BNC2: variants seen among roughly 807,000 people sequenced by gnomAD.
BNC2 encodes the protein zinc finger protein basonuclin-2.
BNC2 carries 20 observed loss-of-function variants against 76.3 expected under a neutral mutation model. That is an observed-to-expected ratio of 0.26 (90% CI 0.18 to 0.38). The LOEUF (loss-of-function observed/expected upper bound fraction) is 0.38. Among genes scored for constraint, BNC2 ranks in the 10% least tolerant of loss-of-function variants. The probability of loss-of-function intolerance (pLI) is 1.00; values close to 1 mark genes in which losing one functional copy is unlikely to be tolerated. For missense variants in BNC2, 1,382 were observed against 1,399.8 expected, an observed-to-expected ratio of 0.99 and a Z score of 0.20; for synonymous variants, 582 against 514.8, an observed-to-expected ratio of 1.13 and a Z score of -1.77.
chr9:16,635,491 A>T (rs1821296568), intron 3 of BNC2, among the ~76,000 whole-genome samples: 3 of 152,034 alleles, frequency 2.0e-5, no homozygotes, highest in Admixed American at 2.0e-4. Flanking sequence ...GTATTTTTTC[A>T]TTTTAATAAA....
intron 3 of BNC2, among the ~76,000 whole-genome samples, chr9:16,722,585 T>C (rs955557700): frequency 1.1e-4 from 17 of 152,162 alleles, no homozygotes; most frequent in East Asian, 3.9e-4. Context: ...ACAAACATAA[T>C]AGACCTGTTT....
intron 3 of BNC2, among the ~76,000 whole-genome samples, chr9:16,655,016 C>A (rs1364173996): frequency 6.6e-6 from 1 of 151,866 alleles, no homozygotes; most frequent in Non-Finnish European, 1.5e-5. Flanking sequence ...AATGATAGAT[C>A]AATAACTGTG....
chr9:16,781,467 C>G (rs908330297), intron 1 of BNC2, among the ~76,000 whole-genome samples: 1 of 152,190 alleles, frequency 6.6e-6, no homozygotes, highest in African/African-American at 2.4e-5. Flanking sequence ...CTCAGCCACC[C>G]GAGCAGCTGG....
chr9:16,437,622 A>AG, intron 5 of BNC2, 98 bp from the exon 6 acceptor site: 1 of 1,396,978 alleles, frequency 7.2e-7, no homozygotes, highest in Non-Finnish European at 9.8e-7. Flanking sequence ...TGTGCTCATA[A>AG]AACACTGAGC....
chr9:16,665,561 C>T (rs909584400), intron 3 of BNC2, among the ~76,000 whole-genome samples: 2 of 151,848 alleles, frequency 1.3e-5, no homozygotes, highest in Admixed American at 6.6e-5. Flanking sequence ...CAGTTCTTAC[C>T]ATCTTATTTT....
At chr9:16,599,488 A>T (rs1820184802) in intron 3 of BNC2, among the ~76,000 whole-genome samples, 1 of 152,208 alleles carries the variant, frequency 6.6e-6, no homozygotes, top group Non-Finnish European at 1.5e-5. Flanking sequence ...AAGTAAAGGT[A>T]AAAAGCAGTT....
chr9:16,660,654 T>C (rs1385384132), intron 3 of BNC2, among the ~76,000 whole-genome samples: 2 of 152,070 alleles, frequency 1.3e-5, no homozygotes, highest in African/African-American at 4.8e-5. Flanking sequence ...TTCCACAGAA[T>C]GTGCCAGCCA....
chr9:16,829,541 A>G (rs1287654951), intron 1 of BNC2, among the ~76,000 whole-genome samples: 1 of 152,184 alleles, frequency 6.6e-6, no homozygotes, highest in Non-Finnish European at 1.5e-5. Flanking sequence ...ATACATAGAA[A>G]TGACTAGAAA....
intron 3 of BNC2, among the ~76,000 whole-genome samples, chr9:16,656,691 C>T (rs536027182): frequency 6.6e-6 from 1 of 152,214 alleles, no homozygotes; most frequent in African/African-American, 2.4e-5. Context: ...GGTATGAATG[C>T]TTAACATGAG....
At chr9:16,778,867 G>C (rs1826041246) in intron 1 of BNC2, among the ~76,000 whole-genome samples, 1 of 152,176 alleles carries the variant, frequency 6.6e-6, no homozygotes, top group South Asian at 2.1e-4. Flanking sequence ...GCAAGGGTCT[G>C]ATGTGAAGGC....
chr9:16,825,209 G>C (rs1302088485), intron 1 of BNC2, among the ~76,000 whole-genome samples: 2 of 152,094 alleles, frequency 1.3e-5, no homozygotes, highest in Admixed American at 1.3e-4. Context: ...ATGGTACCTA[G>C]AGATGCTGAG....
chr9:16,510,493 T>C (rs528947896), intron 5 of BNC2, among the ~76,000 whole-genome samples: 1 of 152,324 alleles, frequency 6.6e-6, no homozygotes, highest in Admixed American at 6.5e-5. Flanking sequence ...ACCCTTACAT[T>C]TGGTGTATAA....
chr9:16,665,530 T>C (rs1426527993), intron 3 of BNC2, among the ~76,000 whole-genome samples: 3 of 152,128 alleles, frequency 2.0e-5, no homozygotes. Flanking sequence ...AAACTAGACC[T>C]GTAAATTCTT....
intron 3 of BNC2, among the ~76,000 whole-genome samples, chr9:16,659,630 C>T (rs1392391049): frequency 6.6e-6 from 1 of 151,250 alleles, no homozygotes; most frequent in Non-Finnish European, 1.5e-5. Flanking sequence ...AAAAAATTAC[C>T]AAGCTTGTTT....
intron 5 of BNC2, among the ~76,000 whole-genome samples, chr9:16,547,123 G>C (rs1278821770): frequency 6.6e-6 from 1 of 152,228 alleles, no homozygotes; most frequent in Admixed American, 6.5e-5. Flanking sequence ...ATCTATAAGA[G>C]GATGGTGTAA....
chr9:16,859,877 T>G (rs1819354332), intron 1 of BNC2, among the ~76,000 whole-genome samples: 1 of 152,184 alleles, frequency 6.6e-6, no homozygotes, highest in East Asian at 1.9e-4. Context: ...TCCCAGCACT[T>G]TGGGAGGCCA....
intron 5 of BNC2, among the ~76,000 whole-genome samples, chr9:16,491,223 T>C (rs1822273697): frequency 6.6e-6 from 1 of 152,098 alleles, no homozygotes; most frequent in South Asian, 2.1e-4. Context: ...GAGAGTGAAC[T>C]GCTGAGAATG....
chr9:16,801,412 T>TTTTC (rs1817775204), intron 1 of BNC2, among the ~76,000 whole-genome samples: 2 of 151,544 alleles, frequency 1.3e-5, no homozygotes, highest in Admixed American at 6.6e-5. Flanking sequence ...TATTTTTTTT[T>TTTTC]TTCTTAGTAG....
chr9:16,725,607 T>G (rs1824292339), intron 3 of BNC2, among the ~76,000 whole-genome samples: 1 of 152,216 alleles, frequency 6.6e-6, no homozygotes, highest in Non-Finnish European at 1.5e-5. Context: ...TATACAGTTT[T>G]AATAGCATCC....
Sources: gnomAD v4.1 joint callset for allele counts (sites outside exome capture counted in the v4.1 genomes callset) on GRCh38, gnomAD v4.1.1 for gene constraint, MANE v1.5 for transcripts, NCBI Gene and HGNC (gene_info 2026-07-23, HGNC 2026-07-21) for gene names.